CAMTA1: variants seen among roughly 807,000 people sequenced by gnomAD.
The protein encoded by CAMTA1 is calmodulin binding transcription activator 1, also known as calmodulin-binding transcription activator 1.
A neutral mutation model predicts 170.9 loss-of-function variants in CAMTA1; 27 were observed. The ratio of observed to expected loss-of-function variants is 0.16; its 90% CI spans 0.12 to 0.22. The LOEUF is 0.22. CAMTA1 is among the 10% of genes least tolerant of loss of function. The pLI is 1.00. For synonymous variants in CAMTA1, 833 were observed against 891.5 expected (o/e 0.93, Z 1.17); for missense variants, 1,619 against 2,217.2 (o/e 0.73, Z 5.42).
chr1:7,559,525 C>A (rs887400951), intron 6 of CAMTA1, among the ~76,000 whole-genome samples: 2 of 152,206 alleles, frequency 1.3e-5, no homozygotes, highest in African/African-American at 4.8e-5. Flanking sequence ...AAGCGGGGAG[C>A]CTGCCTGCCG....
At chr1:7,537,158 T>C (rs1168608095) in intron 6 of CAMTA1, among the ~76,000 whole-genome samples, 1 of 152,124 alleles carries the variant, frequency 6.6e-6, no homozygotes, top group Non-Finnish European at 1.5e-5. Context: ...CTCGCAGGCA[T>C]GTGGCCTAAG....
intron 4 of CAMTA1, among the ~76,000 whole-genome samples, chr1:7,132,498 G>A (rs1486815801): frequency 1.3e-5 from 2 of 152,130 alleles, no homozygotes; most frequent in African/African-American, 2.4e-5. Flanking sequence ...TGGGGGAATT[G>A]ACTTTTAATT....
At position 7,548,024 on chromosome 1, in the gene CAMTA1, A is replaced by C. The variant is rs1047647370; in HGVS notation, c.510+80123A>C. Among the ~76,000 whole-genome samples, 10 of 152,228 alleles carry C rather than the reference A, an allele frequency of 6.6e-5. 1 individual carries two copies. The highest frequency in any genetic ancestry group is 2.4e-4 in the African/African-American group (10 of 41,446). ...GGGACAGGAAGGGTTCCTGCCACAC[A>C]TATGCTGGCCCCGACTTAAGATGGT... On this transcript the variant is annotated intron_variant, in intron 6 of 22. Transcript: ENST00000303635.
At chr1:7,032,371 G>A (rs1290094707) in intron 3 of CAMTA1, among the ~76,000 whole-genome samples, 1 of 152,042 alleles carries the variant, frequency 6.6e-6, no homozygotes, top group Non-Finnish European at 1.5e-5. Flanking sequence ...TTATTTTACT[G>A]CTTGTTTTAG....
chr1:7,033,526 A>T (rs534124549), intron 3 of CAMTA1, among the ~76,000 whole-genome samples: 109 of 148,378 alleles, frequency 7.3e-4, no homozygotes, highest in African/African-American at 2.6e-3. Flanking sequence ...TTTGTCTTTG[A>T]TTCCAGACAT....
At chr1:6,884,786 G>T (rs1672716098) in intron 3 of CAMTA1, among the ~76,000 whole-genome samples, 1 of 152,210 alleles carries the variant, frequency 6.6e-6, no homozygotes, top group African/African-American at 2.4e-5. Context: ...GGAATGCGCA[G>T]TCTAAGCAGT....
At chr1:6,975,166 G>C (rs748244002) in intron 3 of CAMTA1, among the ~76,000 whole-genome samples, 2 of 152,130 alleles carry the variant, frequency 1.3e-5, no homozygotes, top group African/African-American at 4.8e-5. Flanking sequence ...GCTGGAAGCC[G>C]AGCATTCCAC....
intron 3 of CAMTA1, among the ~76,000 whole-genome samples, chr1:7,009,023 C>G (rs972202025): frequency 6.6e-6 from 1 of 152,216 alleles, no homozygotes; most frequent in Non-Finnish European, 1.5e-5. Context: ...ATCTTCCCGC[C>G]CCTCACGGAG....
intron 3 of CAMTA1, among the ~76,000 whole-genome samples, chr1:6,836,150 G>A (rs958160659): frequency 3.3e-5 from 5 of 152,098 alleles, no homozygotes; most frequent in Non-Finnish European, 7.4e-5. Context: ...GATAAATTCT[G>A]TTATCTTGGT....
chr1:7,532,204 C>T lies in CAMTA1; in HGVS notation c.510+64303C>T, dbSNP rs2094500344. Among the ~76,000 whole-genome samples, 2 of 152,184 alleles carry T rather than the reference C, an allele frequency of 1.3e-5. No individual in the cohort carries two copies. Among genetic ancestry groups the T allele is most frequent in the Non-Finnish European group, 2.9e-5 (2 of 68,044 alleles). ...GAGCCAGTCCTTCCTGTGTGGCCTT[C>T]GGATTCTTGGTGGAGGGGACATTCT... On this transcript the variant is annotated intron_variant, in intron 6 of 22. Transcript: ENST00000303635. This position sits in a 1 kb window ranked among gnomAD's most constrained non-coding sequence, Gnocchi z 4.2.
At chr1:7,290,924 G>A (rs932382256) in intron 5 of CAMTA1, among the ~76,000 whole-genome samples, 1 of 152,092 alleles carries the variant, frequency 6.6e-6, no homozygotes, top group Non-Finnish European at 1.5e-5. Flanking sequence ...GGGCTCCTGG[G>A]GGGGTGAAGT....
intron 4 of CAMTA1, among the ~76,000 whole-genome samples, chr1:7,197,297 G>C (rs573476232): frequency 6.6e-6 from 1 of 152,178 alleles, no homozygotes; most frequent in Non-Finnish European, 1.5e-5. Flanking sequence ...GGCCAAACAA[G>C]GGGCTCTGAA....
chr1:7,707,912 T>C (rs2096539067), intron 11 of CAMTA1, among the ~76,000 whole-genome samples: 1 of 152,184 alleles, frequency 6.6e-6, no homozygotes, highest in South Asian at 2.1e-4. Flanking sequence ...TGTGACTACA[T>C]TTGGCTTAAC....
chr1:7,036,827 C>T (rs1371049987), intron 3 of CAMTA1, among the ~76,000 whole-genome samples: 4 of 152,216 alleles, frequency 2.6e-5, no homozygotes, highest in Admixed American at 2.6e-4. Context: ...GGTATCACTA[C>T]TGTTTTGTTC....
At chr1:7,143,416 A>C (rs1646000708) in intron 4 of CAMTA1, among the ~76,000 whole-genome samples, 1 of 152,200 alleles carries the variant, frequency 6.6e-6, no homozygotes, top group South Asian at 2.1e-4. Context: ...TTGGAGTAAG[A>C]TGTATGAAAC....
chr1:7,668,116 G>A (rs1396358831), intron 9 of CAMTA1, among the ~76,000 whole-genome samples: 1 of 152,126 alleles, frequency 6.6e-6, no homozygotes, highest in African/African-American at 2.4e-5. Context: ...TGCATCAGGA[G>A]TCCAATCTGG....
chr1:7,604,177 C>A (rs1270423626), intron 6 of CAMTA1, among the ~76,000 whole-genome samples: 6 of 152,150 alleles, frequency 3.9e-5, no homozygotes, highest in African/African-American at 1.4e-4. Context: ...TTGCTCTTCT[C>A]AAGGAGTATC....
In CAMTA1 at chr1:7,092,641, T is replaced by C. The variant is rs895844052; in HGVS notation, c.302+1270T>C. ...GTTTTTCCTTTGCTATAAAATCAAATAATTTATATCAGTCAGCTTTTGCTG... is the reference window on the plus strand; with the variant it reads ...GTTTTTCCTTTGCTATAAAATCAAACAATTTATATCAGTCAGCTTTTGCTG... On this transcript the variant is annotated intron_variant, in intron 4 of 22. Transcript: ENST00000303635. The surrounding 1 kb of genome is among the most constrained non-coding windows in gnomAD (Gnocchi z 5.0). Among the ~76,000 whole-genome samples, 6 of 152,236 alleles carry C rather than the reference T, an allele frequency of 3.9e-5. No homozygotes were observed. Among genetic ancestry groups the C allele is most frequent in the Non-Finnish European group, 8.8e-5 (6 of 68,036 alleles).
At chr1:7,420,360 T>C (rs2091479581) in intron 5 of CAMTA1, among the ~76,000 whole-genome samples, 1 of 152,148 alleles carries the variant, frequency 6.6e-6, no homozygotes, top group African/African-American at 2.4e-5. Flanking sequence ...ATTGCTTTTC[T>C]TACCATGTAC....
Sources: gnomAD v4.1 joint callset for allele counts (sites outside exome capture counted in the v4.1 genomes callset) on GRCh38, gnomAD v4.1.1 for gene constraint, Gnocchi (gnomAD v3.1) non-coding constraint, MANE v1.5 for transcripts, NCBI Gene and HGNC (gene_info 2026-07-23, HGNC 2026-07-21) for gene names.